MIER1: variants seen among roughly 807,000 people sequenced by gnomAD.
MIER1 encodes MIER1 transcriptional regulator.
In MIER1, 40 loss-of-function variants were observed where a neutral mutation model predicts 75.7. The ratio of observed to expected loss-of-function variants is 0.53; its 90% CI spans 0.41 to 0.69. MIER1 has a LOEUF of 0.69. Among genes scored for constraint, MIER1 ranks in the 30% least tolerant of loss-of-function variants. The probability of loss-of-function intolerance (pLI) is 0.00; values close to 1 mark genes in which losing one functional copy is unlikely to be tolerated. For missense variants in MIER1, 574 were observed against 680.2 expected (o/e 0.84, Z 1.74); for synonymous variants, 213 against 223.4 (o/e 0.95, Z 0.42).
In MIER1 at chr1:66,946,318, G is replaced by T. The variant is rs892330352; in HGVS notation, c.339+23G>T. The T allele has an allele frequency of 3.2e-6, 5 of 1,554,546 alleles. No individual in the cohort carries two copies. In the South Asian group the frequency reaches 3.7e-5, roughly 12 times the overall value. On this transcript the variant is annotated intron_variant, in intron 4 of 13. Transcript: ENST00000401041. The stretch of plus-strand genomic sequence containing the variant: ...AGGGTAAATAACATGTAGAGCTAGG[G>T]TATGAATTGGTTATGACTTTTTTGT...
Position 66,986,515 on chromosome 1 carries a change from T to C in MIER1, c.*1615T>C. Reference sequence around the variant, plus strand: ...TTTTTAATGGCTCAACTGTCTGATGTAATTGAGTGAAGGTTTGCACTGAGA... The same window carrying C: ...TTTTTAATGGCTCAACTGTCTGATGCAATTGAGTGAAGGTTTGCACTGAGA... On this transcript the variant is annotated 3_prime_UTR_variant, in exon 14 of 14. Coordinates refer to ENST00000401041, the MANE Select transcript of MIER1 (RefSeq NM_001077700.3). The C allele has an allele frequency of 7.1e-7, 1 of 1,411,442 alleles. No individual in the cohort carries two copies. Among genetic ancestry groups the C allele is most frequent in the Non-Finnish European group, 1.0e-6 (1 of 996,626 alleles). 87.4% of individuals were successfully genotyped at this position (1,411,442 alleles called of 1,614,324 possible).
intron 7 of MIER1, among the ~76,000 whole-genome samples, chr1:66,960,969 CAGTAG>C (rs1294465944): frequency 6.6e-6 from 1 of 151,570 alleles, no homozygotes; most frequent in East Asian, 1.9e-4. Context: ...CTGGAGTGTT[CAGTAG>C]AGTATTTGAT....
In MIER1 at chr1:66,925,039, C is replaced by G; in HGVS notation, c.11C>G (p.Ala4Gly). The G allele has an allele frequency of 6.5e-7, 1 of 1,549,270 alleles. No homozygotes were observed. Among genetic ancestry groups the G allele is most frequent in the Non-Finnish European group, 8.7e-7 (1 of 1,146,120 alleles). Reference sequence around the variant, plus strand: ...CCCGGCTGCAGGCGGATGGATGGGGCTTCTTCAGGCGGTGGCGGCAGCAGC... The same window carrying G: ...CCCGGCTGCAGGCGGATGGATGGGGGTTCTTCAGGCGGTGGCGGCAGCAGC... MDG[A>G]SSGGGGSSEG... Residue 4 changes from alanine to glycine, a missense_variant, in exon 1 of 14, where the codon GCT becomes GGT. Ala to Gly is a moderately conservative substitution (Grantham distance 60). Around this residue, in one of 3 missense-constraint regions of MIER1, gnomAD observed 309 missense variants for 352.8 expected, o/e 0.88. Transcript: ENST00000401041.
chr1:66,981,663 A>G, intron 12 of MIER1, 116 bp from the exon 13 acceptor site: 1 of 744,176 alleles, frequency 1.3e-6, no homozygotes, highest in South Asian at 2.3e-5. Context: ...AAGCACTGGA[A>G]TGAATGTTAA....
At chr1:66,959,142 G>A (rs748019451) in intron 6 of MIER1, among the ~76,000 whole-genome samples, 159 bp downstream of exon 6, 19 of 152,040 alleles carry the variant, frequency 1.2e-4, no homozygotes, top group Non-Finnish European at 1.2e-4. Context: ...GCAATGCAGG[G>A]TCCCTGTTGT....
intron 2 of MIER1, chr1:66,929,000 T>C: frequency 7.9e-7 from 1 of 1,264,368 alleles, no homozygotes. Context: ...TTCATATATC[T>C]GTAAATGCAG....
At chr1:66,982,231 GT>G in intron 13 of MIER1, among the ~76,000 whole-genome samples, 1 of 152,136 alleles carries the variant, frequency 6.6e-6, no homozygotes, top group Admixed American at 6.5e-5. Flanking sequence ...AAGTATTTAT[GT>G]TAACTCTTAG....
At chr1:66,943,963 C>T (rs542838814) in intron 3 of MIER1, among the ~76,000 whole-genome samples, 1 of 149,264 alleles carries the variant, frequency 6.7e-6, no homozygotes, top group East Asian at 2.0e-4. Context: ...AGACTTGCTA[C>T]TTGAAATCTC....
At position 66,984,887 on chromosome 1, in the gene MIER1, A is replaced by C; in HGVS notation, c.1685A>C (p.Asn562Thr). 1 of 1,586,260 alleles carries C rather than the reference A, an allele frequency of 6.3e-7. No individual in the cohort carries two copies. Residue 562 changes from asparagine to threonine, a missense_variant, in exon 14 of 14, where the codon AAC becomes ACC. By Grantham distance (65) the Asn-to-Thr change is moderately conservative. Coordinates refer to ENST00000401041, the MANE Select transcript of MIER1 (RefSeq NM_001077700.3). ...CATGGGAAATTTGAAGAACTTGAAA[A>C]CACAGATGACTAAATTTTAGACCTA... Reference protein sequence around the residue: ...VSHGKFEELENTDD With the variant: ...VSHGKFEELETTDD
At chr1:66,957,749 A>G (rs538055800) in intron 4 of MIER1, among the ~76,000 whole-genome samples, 3 of 152,162 alleles carry the variant, frequency 2.0e-5, no homozygotes, top group African/African-American at 7.2e-5. Context: ...CATAGCGTTA[A>G]CTGTCATTGT....
intron 2 of MIER1, among the ~76,000 whole-genome samples, chr1:66,932,451 C>G (rs1285601317): frequency 6.6e-6 from 1 of 152,108 alleles, no homozygotes; most frequent in African/African-American, 2.4e-5. Flanking sequence ...CTTTCGTGAT[C>G]TGTGTCCTAC....
intron 11 of MIER1, among the ~76,000 whole-genome samples, chr1:66,975,933 T>G (rs1664614106): frequency 6.6e-6 from 1 of 152,162 alleles, no homozygotes; most frequent in Admixed American, 6.5e-5. Flanking sequence ...AGTAAAAGTA[T>G]TAGCAAACTG....
At chr1:66,982,971 A>G (rs1191110703) in intron 13 of MIER1, among the ~76,000 whole-genome samples, 1 of 152,260 alleles carries the variant, frequency 6.6e-6, no homozygotes, top group Non-Finnish European at 1.5e-5. Flanking sequence ...GGAGGCAGAC[A>G]GTTGGTACTA....
intron 2 of MIER1, among the ~76,000 whole-genome samples, chr1:66,934,572 C>CTTTT (rs34540359): frequency 7.2e-6 from 1 of 138,268 alleles, no homozygotes; most frequent in Non-Finnish European, 1.5e-5. Context: ...TCATGCCCGG[C>CTTTT]TTTTTTTTTT....
intron 3 of MIER1, among the ~76,000 whole-genome samples, chr1:66,942,343 T>C (rs997404085): frequency 1.3e-5 from 2 of 152,308 alleles, no homozygotes; most frequent in East Asian, 3.9e-4. Context: ...AGAGGCACAA[T>C]GTAAGGCTTT....
intron 8 of MIER1, among the ~76,000 whole-genome samples, chr1:66,963,374 G>T (rs1286215757): frequency 6.6e-6 from 1 of 152,110 alleles, no homozygotes; most frequent in Non-Finnish European, 1.5e-5. Flanking sequence ...GCCAAAAAAG[G>T]AAAAAGTGAA....
At chr1:66,968,937 T>G (rs1476506161) in intron 8 of MIER1, among the ~76,000 whole-genome samples, 1 of 152,218 alleles carries the variant, frequency 6.6e-6, no homozygotes, top group Non-Finnish European at 1.5e-5. Context: ...GGTTTCCTTA[T>G]ATGGCCTTGT....
rs188858151 is a variant in MIER1, at chr1:66,970,008, C to T, written c.773-800C>T. 1.4e-3 allele frequency among the ~76,000 whole-genome samples: 216 copies of T among 152,328 alleles called. 3 individuals are homozygous for T. Among genetic ancestry groups the T allele is most frequent in the Non-Finnish European group, 5.6e-4 (38 of 68,024 alleles). ...TTGAAGCTATTCTTTGAAACACTCT[C>T]TTCCCTTAGCATCTGTGATGTTACA... On this transcript the variant is annotated intron_variant, in intron 8 of 13. Transcript: ENST00000401041.
chr1:66,937,134 T>G (rs952461318), intron 2 of MIER1, among the ~76,000 whole-genome samples: 5 of 150,826 alleles, frequency 3.3e-5, no homozygotes, highest in Non-Finnish European at 7.4e-5. Context: ...GAAGGAAGAG[T>G]CAGGGTCTAG....
Sources: gnomAD v4.1 joint callset for allele counts (sites outside exome capture counted in the v4.1 genomes callset) on GRCh38, gnomAD v4.1.1 for gene constraint, gnomAD v4.1.1 regional missense constraint, MANE v1.5 for transcripts, NCBI Gene and HGNC (gene_info 2026-07-23, HGNC 2026-07-21) for gene names.